Variants in AHNAK observed in about 807,000 individuals in gnomAD.
AHNAK encodes the protein neuroblast differentiation-associated protein AHNAK.
Under a neutral mutation model 37.8 loss-of-function variants are expected in AHNAK, and 23 were observed. The ratio of observed to expected loss-of-function variants is 0.61; its 90% confidence interval spans 0.44 to 0.86. AHNAK has a LOEUF of 0.86. Ranked by LOEUF, AHNAK falls within the 40% of genes least tolerant of loss-of-function variation. The probability of loss-of-function intolerance (pLI) is 0.00; values close to 1 mark genes in which losing one functional copy is unlikely to be tolerated. For synonymous variants in AHNAK, 2,481 were observed against 2,636.3 expected (o/e 0.94, Z 1.80); for missense variants, 7,411 against 7,319.4 (o/e 1.01, Z -0.46).
In AHNAK at chr11:62,533,869, T is replaced by C. The variant is rs1940858487; in HGVS notation, c.548A>G (p.Lys183Arg). 3.7e-6 allele frequency: 6 copies of C among 1,614,200 alleles called. No homozygotes were observed. Among genetic ancestry groups the C allele is most frequent in the Non-Finnish European group, 5.1e-6 (6 of 1,180,034 alleles). The change falls in exon 5 of 5, where the codon AAG (lysine) becomes AGG (arginine). Residue 183 changes from lysine to arginine, a missense_variant. Physicochemically the swap from Lys to Arg is conservative, Grantham distance 26 (BLOSUM62 2). Transcript: ENST00000378024. Reference protein sequence around the residue: ...IDISSPEFKIKIPRHELTEIS... With the variant: ...IDISSPEFKIRIPRHELTEIS... ...TTCAGTCAGTTCATGTCTTGGAATC[T>C]TGATCTTGAATTCAGGGCTACTGAT...
rs1046754655 is a variant in AHNAK at position 62,526,017 on chromosome 11, C to A, written c.8400G>T (p.Pro2800=). ...LPKADIDVSG[P]KVDVECPDVN... is the part of the protein sequence containing the mutation. ...CATCGGGACATTCAACATCCACTTT[C>A]GGTCCTGAGACATCAATGTCAGCCT... Residue 2800 remains proline, a synonymous_variant, in exon 5 of 5, where the codon CCG becomes CCT. Coordinates refer to ENST00000378024, the MANE Select transcript of AHNAK (RefSeq NM_001620.3). 2 of 1,612,562 alleles carry A rather than the reference C, an allele frequency of 1.2e-6. No individual in the cohort carries two copies. Among genetic ancestry groups the A allele is most frequent in the Non-Finnish European group, 8.5e-7 (1 of 1,179,538 alleles).
rs770200631 is a variant in AHNAK, at chr11:62,516,700, T to C, written c.*44A>G. The C allele has an allele frequency of 3.3e-6, 5 of 1,537,280 alleles. No individual in the cohort carries two copies. Among genetic ancestry groups the C allele is most frequent in the Non-Finnish European group, 4.4e-6 (5 of 1,147,626 alleles). On this transcript the variant is annotated 3_prime_UTR_variant, in exon 5 of 5. Coordinates refer to ENST00000378024, the MANE Select transcript of AHNAK (RefSeq NM_001620.3). ...ATAGGAACACACCACCCAAGGCTGA[T>C]GTTTTGTTATATATATATATATGTA... is the stretch of plus-strand genomic sequence containing the variant.
rs558889867 is a variant in AHNAK, at chr11:62,493,734, G to A, written c.343-1903C>T. ...GATCCTCCCATCTCCACCTCCCAAA[G>A]TGTTAGGATTACAGGTGTGACCCAC... On this transcript the variant is annotated intron_variant, in intron 4 of 5. Coordinates refer to the AHNAK transcript ENST00000257247. Among the ~76,000 whole-genome samples the A allele has an allele frequency of 6.6e-4, 101 of 152,092 alleles. 1 individual carries two copies. The highest frequency in any genetic ancestry group is 2.4e-3 in the African/African-American group (98 of 41,436).
chr11:62,534,025 G>C lies in AHNAK; in HGVS notation c.392C>G (p.Pro131Arg). 6.3e-7 allele frequency: 1 copy of C among 1,580,300 alleles called. No individual in the cohort carries two copies. The highest frequency in any genetic ancestry group is 8.6e-7 in the Non-Finnish European group (1 of 1,161,852). The change falls in exon 5 of 5, where the codon CCA (proline) becomes CGA (arginine). Residue 131 changes from proline (P) to arginine (R), a missense_variant. Coordinates refer to ENST00000378024, the MANE Select transcript of AHNAK (RefSeq NM_001620.3). The stretch of plus-strand genomic sequence containing the variant: ...CACTCCATCTTCCGACTTCAGCCGT[G>C]GCTTGATCTTCGTGGTGTAGATGCG... Reference protein sequence around the residue: ...YQRIYTTKIKPRLKSEDGVEG... With the variant: ...YQRIYTTKIKRRLKSEDGVEG...
chr11:62,453,427 A>G (rs1468420315), intron 5 of AHNAK, among the ~76,000 whole-genome samples: 1 of 152,150 alleles, frequency 6.6e-6, no homozygotes, highest in Non-Finnish European at 1.5e-5. Context: ...TAATTTAGCT[A>G]TAATTTATTG....
intron 5 of AHNAK, among the ~76,000 whole-genome samples, chr11:62,457,435 G>A (rs1938680471): frequency 1.3e-5 from 2 of 149,154 alleles, no homozygotes; most frequent in South Asian, 4.3e-4. Flanking sequence ...GTGACAGACC[G>A]AGACTCCTTT....
Position 62,517,675 on chromosome 11 carries a change from A to C in AHNAK, c.16742T>G (p.Ile5581Ser), listed in dbSNP as rs760510389. 2.5e-6 allele frequency: 4 copies of C among 1,614,174 alleles called. No homozygotes were observed. The highest frequency in any genetic ancestry group is 3.4e-6 in the Non-Finnish European group (4 of 1,180,024). Residue 5581 changes from isoleucine to serine, a missense_variant, in exon 5 of 5, where the codon ATC (isoleucine) becomes AGC (serine). Ile to Ser is a moderately radical substitution (Grantham distance 142). Coordinates refer to ENST00000378024, the MANE Select transcript of AHNAK (RefSeq NM_001620.3). ...DVSGGVSAPD[I>S]SLGEGHLSVK... Reference sequence around the variant, plus strand: ...ACTCAAATGCCCTTCACCAAGGCTGATGTCTGGGGCACTGACACCCCCTGA... The same window carrying C: ...ACTCAAATGCCCTTCACCAAGGCTGCTGTCTGGGGCACTGACACCCCCTGA...
Position 62,522,431 on chromosome 11 carries a change from T to A in AHNAK, c.11986A>T (p.Ile3996Phe). 6.2e-7 allele frequency: 1 copy of A among 1,613,786 alleles called. No individual in the cohort carries two copies. The highest frequency in any genetic ancestry group is 8.5e-7 in the Non-Finnish European group (1 of 1,179,930). The change falls in exon 5 of 5, where the codon ATC becomes TTC. Residue 3996 changes from isoleucine (I) to phenylalanine (F), a missense_variant. By Grantham distance (21) the Ile-to-Phe change is conservative. Coordinates refer to ENST00000378024, the MANE Select transcript of AHNAK (RefSeq NM_001620.3). ...GGCATGGAGATCTTGGGGGCTTTGA[T>A]GTTCATCTCTGGCATCTTGAATTTA... ...GPKFKMPEMN[I>F]KAPKISMPDF... is the part of the protein sequence containing the mutation.
chr11:62,480,827 A>AAG (rs139354282), intron 5 of AHNAK, among the ~76,000 whole-genome samples: 11,266 of 120,824 alleles, frequency 0.093, 1,013 homozygotes, highest in Middle Eastern at 0.12. Flanking sequence ...AAAAAAAAAA[A>AAG]CCTGGATTTG....
rs1268092228 is a variant in AHNAK at position 62,529,133 on chromosome 11, C to T, written c.5284G>A (p.Gly1762Arg). The change falls in exon 5 of 5, where the codon GGA becomes AGA. Residue 1762 changes from glycine to arginine, a missense_variant. Coordinates refer to ENST00000378024, the MANE Select transcript of AHNAK (RefSeq NM_001620.3). ...TTAAATTTGGAGCCTTTCAACTTTC[C>T]TTCTGGTCCCTCAATATCCAAATCA... is the stretch of plus-strand genomic sequence containing the variant. The part of the protein sequence containing the change: ...APDLDIEGPE[G>R]KLKGSKFKMP... 2 of 1,614,076 alleles carry T rather than the reference C, an allele frequency of 1.2e-6. No individual in the cohort carries two copies. Among genetic ancestry groups the T allele is most frequent in the South Asian group, 2.2e-5 (2 of 91,084 alleles).
At chr11:62,463,747 T>TTGGTTG (rs1938842607) in intron 5 of AHNAK, among the ~76,000 whole-genome samples, 2 of 151,366 alleles carry the variant, frequency 1.3e-5, no homozygotes, top group African/African-American at 4.9e-5. Flanking sequence ...TTGGTTGGTT[T>TTGGTTG]GTTTTGGGTT....
At chr11:62,544,306 C>A (rs1195031148) in intron 1 of AHNAK, among the ~76,000 whole-genome samples, 7 of 152,294 alleles carry the variant, frequency 4.6e-5, no homozygotes, top group Admixed American at 3.9e-4. Flanking sequence ...CTGGCTGCCA[C>A]AAGTCCTCAG....
At chr11:62,487,219 C>T (rs1939412096) in intron 5 of AHNAK, among the ~76,000 whole-genome samples, 1 of 152,210 alleles carries the variant, frequency 6.6e-6, no homozygotes, top group East Asian at 1.9e-4. Context: ...CCACTATAAA[C>T]GCTGCCCAGG....
Position 62,521,828 on chromosome 11 carries a change from T to C in AHNAK, c.12589A>G (p.Ser4197Gly), listed in dbSNP as rs1158365746. Residue 4197 changes from serine to glycine, a missense_variant, in exon 5 of 5, where the codon AGC becomes GGC. Transcript: ENST00000378024. ...KMPKVKMPKF[S>G]MPGFKGEGPD... ...CCCTCTCCTTTGAAGCCAGGCATGC[T>C]GAACTTGGGCATTTTCACTTTGGGC... 4 of 1,613,582 alleles carry C rather than the reference T, an allele frequency of 2.5e-6. No individual in the cohort carries two copies. In the South Asian group the frequency reaches 4.4e-5, roughly 18 times the overall value.
intron 1 of AHNAK, among the ~76,000 whole-genome samples, chr11:62,537,815 T>C (rs1352557471): frequency 6.6e-6 from 1 of 152,058 alleles, no homozygotes; most frequent in Non-Finnish European, 1.5e-5. Flanking sequence ...CCCGAGTAGC[T>C]GGGATTACAG....
chr11:62,438,864 A>C (rs1938237385), intron 5 of AHNAK, among the ~76,000 whole-genome samples: 1 of 152,100 alleles, frequency 6.6e-6, no homozygotes, highest in Non-Finnish European at 1.5e-5. Context: ...TCATAGAAAA[A>C]CTAATCATGA....
Position 62,522,642 on chromosome 11 carries a change from G to T in AHNAK, c.11775C>A (p.Gly3925=). Residue 3925 remains glycine, a synonymous_variant, in exon 5 of 5, where the codon GGC becomes GGA. Coordinates refer to ENST00000378024, the MANE Select transcript of AHNAK (RefSeq NM_001620.3). ...DINAPDVDVR[G]PDWHLKMPKI... ...TAGGCATCTTCAGGTGCCAGTCTGG[G>T]CCTCGAACATCCACATCTGGGGCAT... The T allele has an allele frequency of 6.2e-7, 1 of 1,612,888 alleles. No individual in the cohort carries two copies. Among genetic ancestry groups the T allele is most frequent in the Non-Finnish European group, 8.5e-7 (1 of 1,179,754 alleles).
At position 62,524,889 on chromosome 11, in the gene AHNAK, C is replaced by G. The variant is rs747393378; in HGVS notation, c.9528G>C (p.Lys3176Asn). Residue 3176 changes from lysine (K) to asparagine (N), a missense_variant, in exon 5 of 5, where the codon AAG becomes AAC. By Grantham distance (94) the Lys-to-Asn change is moderately conservative. Coordinates refer to ENST00000378024, the MANE Select transcript of AHNAK (RefSeq NM_001620.3). Reference sequence around the variant, plus strand: ...TGGGTCCTGAGACGTCAAGGTCAGCCTTGGGCAGGTTCACGTCCACTTCTG... The same window carrying G: ...TGGGTCCTGAGACGTCAAGGTCAGCGTTGGGCAGGTTCACGTCCACTTCTG... Reference protein sequence around the residue: ...EGPEVDVNLPKADLDVSGPKV... With the variant: ...EGPEVDVNLPNADLDVSGPKV... The G allele has an allele frequency of 6.2e-7, 1 of 1,613,980 alleles. No homozygotes were observed. Among genetic ancestry groups the G allele is most frequent in the Non-Finnish European group, 8.5e-7 (1 of 1,179,988 alleles).
chr11:62,484,946 C>A (rs1465359455), intron 5 of AHNAK, among the ~76,000 whole-genome samples: 1 of 152,108 alleles, frequency 6.6e-6, no homozygotes, highest in Non-Finnish European at 1.5e-5. Context: ...CGCGCCACCA[C>A]ACCCGGCTAA....
Sources: allele counts gnomAD v4.1 joint callset (sites outside exome capture counted in the v4.1 genomes callset), GRCh38; gene constraint gnomAD v4.1.1; transcripts MANE v1.5; gene names NCBI Gene and HGNC (gene_info 2026-07-23, HGNC 2026-07-21).